The following CGNL1 variants were observed in gnomAD, a reference collection of about 807,000 sequenced individuals.
CGNL1 encodes cingulin like 1.
CGNL1 carries 132 observed loss-of-function variants against 141.2 expected under a neutral mutation model. The observed-to-expected ratio is 0.93, with a 90% confidence interval of 0.81 to 1.08. The LOEUF is 1.08. CGNL1 is among the 50% of genes least tolerant of loss of function. The pLI is 0.00. For missense variants in CGNL1, 1,870 were observed against 1,588.6 expected (o/e 1.18, Z -3.01); for synonymous variants, 690 against 622.1 (o/e 1.11, Z -1.63).
chr15:57,437,871 A>G, intron 1 of CGNL1, 114 bp from the exon 2 acceptor site: 4 of 1,046,140 alleles, frequency 3.8e-6, no homozygotes, highest in South Asian at 1.6e-5. Context: ...GCTGTTTAAA[A>G]TGTCTTGTTT....
chr15:57,445,136 C>T (rs1341297047), intron 4 of CGNL1, among the ~76,000 whole-genome samples: 4 of 152,152 alleles, frequency 2.6e-5, no homozygotes, highest in Non-Finnish European at 5.9e-5. Context: ...TGGCACATGC[C>T]TGTAGCCCCA....
chr15:57,545,011 A>G (rs2032778788), intron 16 of CGNL1, among the ~76,000 whole-genome samples: 1 of 152,222 alleles, frequency 6.6e-6, no homozygotes, highest in African/African-American at 2.4e-5. Flanking sequence ...GCCACCAGTC[A>G]GAGATGGGGC....
At chr15:57,421,553 G>A (rs17820281) in intron 1 of CGNL1, among the ~76,000 whole-genome samples, 29,626 of 151,974 alleles carry the variant, frequency 0.19, 3,139 homozygotes, top group Middle Eastern at 0.26. Context: ...TAAAACAAGC[G>A]TTAGGATTGG....
intron 1 of CGNL1, among the ~76,000 whole-genome samples, chr15:57,402,252 G>A (rs1595665267): frequency 6.6e-6 from 1 of 152,302 alleles, no homozygotes; most frequent in East Asian, 1.9e-4. Flanking sequence ...GCTTAAAAGG[G>A]TCTGGCACCT....
chr15:57,405,758 T>TC (rs1448058783), intron 1 of CGNL1, among the ~76,000 whole-genome samples: 30 of 141,084 alleles, frequency 2.1e-4, no homozygotes, highest in Middle Eastern at 3.6e-3. Flanking sequence ...CTTTTTCTTT[T>TC]TCTTTCTTTC....
rs56110819 is a variant in CGNL1, at chr15:57,409,617, A to G, written c.-15-28368A>G. 4.1e-3 allele frequency among the ~76,000 whole-genome samples: 629 copies of G among 152,152 alleles called. 5 individuals carry two copies. Among genetic ancestry groups the G allele is most frequent in the Non-Finnish European group, 7.3e-3 (499 of 68,000 alleles). The stretch of plus-strand genomic sequence containing the variant: ...GTCAACAGGAAGAAATCACTAACTG[A>G]TGTTGTGTGAAAGGGGGAGGGAGAA... On this transcript the variant is annotated intron_variant, in intron 1 of 18. Coordinates refer to ENST00000281282, the MANE Select transcript of CGNL1 (RefSeq NM_032866.5).
At chr15:57,455,817 G>A (rs1013789386) in intron 7 of CGNL1, among the ~76,000 whole-genome samples, 1 of 152,130 alleles carries the variant, frequency 6.6e-6, no homozygotes, top group Non-Finnish European at 1.5e-5. Flanking sequence ...ATAACGATAT[G>A]AGACTGTTTT....
intron 5 of CGNL1, 35 bp from the exon 6 acceptor site, chr15:57,452,106 T>G: frequency 6.3e-7 from 1 of 1,598,912 alleles, no homozygotes; most frequent in Non-Finnish European, 8.5e-7. Context: ...TAATGTACAG[T>G]GGAGGCTCTT....
At chr15:57,426,492 G>C (rs1164466814) in intron 1 of CGNL1, among the ~76,000 whole-genome samples, 1 of 150,492 alleles carries the variant, frequency 6.6e-6, no homozygotes, top group African/African-American at 2.4e-5. Flanking sequence ...TGTTGCCCAG[G>C]CTGGATTATA....
At chr15:57,450,958 A>C (rs1280405) in intron 4 of CGNL1, among the ~76,000 whole-genome samples, 7,833 of 152,214 alleles carry the variant, frequency 0.051, 603 homozygotes, top group African/African-American at 0.16. Flanking sequence ...CTCCTGATGT[A>C]GTAATTCTCA....
intron 8 of CGNL1, among the ~76,000 whole-genome samples, chr15:57,506,587 G>A (rs2064106383): frequency 6.6e-6 from 1 of 152,176 alleles, no homozygotes; most frequent in Admixed American, 6.5e-5. Context: ...CAGGTTCGGG[G>A]CCTCCTTTTC....
chr15:57,528,982 G>T, intron 13 of CGNL1, 167 bp downstream of exon 13: 1 of 635,012 alleles, frequency 1.6e-6, no homozygotes, highest in Non-Finnish European at 2.7e-6. Context: ...GAAGGGGCCA[G>T]TCATTTATAG....
chr15:57,438,998 G>A lies in CGNL1; in HGVS notation c.999G>A (p.Arg333=). 1 of 1,614,136 alleles carries A rather than the reference G, an allele frequency of 6.2e-7. No individual in the cohort carries two copies. The part of the protein sequence containing the change: ...ADNVNRHENR[R]YIPFLPGTGR... ...ACGTCAATCGTCATGAAAACAGAAGGTATATTCCCTTCCTGCCAGGAACTG... is the reference window on the plus strand; with the variant it reads ...ACGTCAATCGTCATGAAAACAGAAGATATATTCCCTTCCTGCCAGGAACTG... Residue 333 remains arginine, a synonymous_variant, in exon 2 of 19, where the codon AGG becomes AGA. Transcript: ENST00000281282.
intron 8 of CGNL1, among the ~76,000 whole-genome samples, chr15:57,489,621 T>C (rs1190224922): frequency 6.6e-6 from 1 of 152,214 alleles, no homozygotes; most frequent in Non-Finnish European, 1.5e-5. Flanking sequence ...TTTTATTCTT[T>C]TGCATGTAGA....
chr15:57,469,079 T>A (rs1470007639), intron 8 of CGNL1, among the ~76,000 whole-genome samples: 1 of 152,112 alleles, frequency 6.6e-6, no homozygotes, highest in East Asian at 1.9e-4. Context: ...TACAGAGACC[T>A]AATGTGGGGA....
chr15:57,385,844 G>A (rs1214876524), intron 1 of CGNL1, among the ~76,000 whole-genome samples: 1 of 152,338 alleles, frequency 6.6e-6, no homozygotes, highest in East Asian at 1.9e-4. Flanking sequence ...CAAGGATGCT[G>A]CTAAATATCC....
intron 1 of CGNL1, among the ~76,000 whole-genome samples, chr15:57,420,765 C>T (rs117375314): frequency 1.8e-3 from 271 of 152,272 alleles, no homozygotes; most frequent in Admixed American, 6.1e-3. Context: ...TCTGATGACT[C>T]TTGAAAAGAG....
At chr15:57,422,265 C>T (rs182510591) in intron 1 of CGNL1, among the ~76,000 whole-genome samples, 30 of 150,694 alleles carry the variant, frequency 2.0e-4, no homozygotes, top group South Asian at 1.5e-3. Context: ...CAACCTGGCA[C>T]TATTCTGGTA....
intron 10 of CGNL1, among the ~76,000 whole-genome samples, chr15:57,518,764 T>C (rs1214330413): frequency 3.3e-5 from 5 of 152,230 alleles, no homozygotes; most frequent in African/African-American, 2.4e-5. Flanking sequence ...ATAGGGATGC[T>C]GTTAAACATC....
Sources: allele counts gnomAD v4.1 joint callset (sites outside exome capture counted in the v4.1 genomes callset), GRCh38; gene constraint gnomAD v4.1.1; transcripts MANE v1.5; gene names NCBI Gene and HGNC (gene_info 2026-07-23, HGNC 2026-07-21).